Variants in DAB1 observed in about 807,000 individuals in gnomAD.
DAB1 encodes DAB adaptor protein 1.
A neutral mutation model predicts 64.6 loss-of-function variants in DAB1; 15 were observed. The observed-to-expected ratio is 0.23, with a 90% confidence interval of 0.16 to 0.36. The LOEUF is 0.36. Among genes scored for constraint, DAB1 ranks in the 10% least tolerant of loss-of-function variants. DAB1 has a pLI of 1.00. For synonymous variants in DAB1, 235 were observed against 251.9 expected (o/e 0.93, Z 0.64); for missense variants, 596 against 706.7 (o/e 0.84, Z 1.78).
At chr1:57,123,980 ACTT>A (rs1656899335) in intron 4 of DAB1, among the ~76,000 whole-genome samples, 1 of 152,128 alleles carries the variant, frequency 6.6e-6, no homozygotes, top group South Asian at 2.1e-4. Context: ...AATATATAAT[ACTT>A]TTATAAACTG....
intron 3 of DAB1, among the ~76,000 whole-genome samples, chr1:58,438,608 T>C (rs1171152676): frequency 6.6e-6 from 1 of 152,156 alleles, no homozygotes; most frequent in Non-Finnish European, 1.5e-5. Flanking sequence ...GCTCACTTAC[T>C]CCTGTGACCT....
chr1:57,853,838 G>A (rs918132852), intron 1 of DAB1, among the ~76,000 whole-genome samples: 1 of 152,182 alleles, frequency 6.6e-6, no homozygotes, highest in Admixed American at 6.5e-5. Flanking sequence ...GAGGTGAGAA[G>A]GTTCTGGTTG....
chr1:58,350,343 A>T (rs1644041773), intron 3 of DAB1, among the ~76,000 whole-genome samples: 1 of 152,074 alleles, frequency 6.6e-6, no homozygotes, highest in Non-Finnish European at 1.5e-5. Context: ...TTCCTTGTAG[A>T]TTCTGGATAT....
At chr1:57,955,012 A>G (rs1645359504) in intron 5 of DAB1, among the ~76,000 whole-genome samples, 2 of 152,182 alleles carry the variant, frequency 1.3e-5, no homozygotes, top group African/African-American at 4.8e-5. Flanking sequence ...CCTTCTCCTA[A>G]AGAGGCATAG....
intron 2 of DAB1, among the ~76,000 whole-genome samples, chr1:57,176,132 A>C (rs1354054291): frequency 6.6e-6 from 1 of 152,184 alleles, no homozygotes; most frequent in Non-Finnish European, 1.5e-5. Flanking sequence ...GGGTATTCTC[A>C]GCTTCCCTCA....
At chr1:58,097,789 G>T (rs1651076724) in intron 5 of DAB1, among the ~76,000 whole-genome samples, 1 of 152,090 alleles carries the variant, frequency 6.6e-6, no homozygotes, top group Non-Finnish European at 1.5e-5. Flanking sequence ...TGGTGGGAGG[G>T]GGACAGGCTG....
At chr1:57,385,032 A>G (rs1231549926) in intron 1 of DAB1, among the ~76,000 whole-genome samples, 1 of 152,228 alleles carries the variant, frequency 6.6e-6, no homozygotes, top group Admixed American at 6.5e-5. Context: ...AATAGGTTAT[A>G]CAGAAACACA....
intron 7 of DAB1, among the ~76,000 whole-genome samples, chr1:57,625,152 C>A (rs572827578): frequency 6.6e-6 from 1 of 152,128 alleles, no homozygotes; most frequent in Non-Finnish European, 1.5e-5. Flanking sequence ...CCTTTTCTCC[C>A]TACTTCCCTC....
rs529344307 is a variant in DAB1, at chr1:57,433,171, A to G, written n.626-142005T>C. 9.8e-5 allele frequency among the ~76,000 whole-genome samples: 15 copies of G among 152,292 alleles called. No homozygotes were observed. The South Asian group carries it at 2.9e-3, about 29-fold the overall frequency. On this transcript the variant is annotated intron_variant and non_coding_transcript_variant, in intron 7 of 20. Transcript: ENST00000485760. ...AGTATACATTCAGCACAATCCCAAT[A>G]AAATTCCTAGCACACTTTTTGAAAA...
At chr1:58,373,277 T>C (rs1644286534) in intron 3 of DAB1, among the ~76,000 whole-genome samples, 1 of 144,940 alleles carries the variant, frequency 6.9e-6, no homozygotes, top group Non-Finnish European at 1.5e-5. Context: ...ACCCACTAAC[T>C]CGTCATCTAG....
chr1:57,766,694 T>C (rs1649327344), intron 6 of DAB1, among the ~76,000 whole-genome samples: 1 of 144,094 alleles, frequency 6.9e-6, no homozygotes, highest in African/African-American at 2.5e-5. Flanking sequence ...ACAATTTAGT[T>C]TGACTCTGAC....
chr1:57,888,258 C>G (rs1284723579), upstream of DAB1, among the ~76,000 whole-genome samples: 1 of 152,170 alleles, frequency 6.6e-6, no homozygotes, highest in Non-Finnish European at 1.5e-5. Flanking sequence ...GATAAAAATG[C>G]ACATTCACAA....
At chr1:57,364,857 A>C (rs193014737) in intron 1 of DAB1, among the ~76,000 whole-genome samples, 2 of 146,004 alleles carry the variant, frequency 1.4e-5, no homozygotes, top group Non-Finnish European at 3.0e-5. Flanking sequence ...ATATATATGT[A>C]TATATATATA....
intron 5 of DAB1, among the ~76,000 whole-genome samples, chr1:58,115,891 T>C (rs1652295990): frequency 7.7e-6 from 1 of 130,420 alleles, no homozygotes; most frequent in Non-Finnish European, 1.6e-5. Flanking sequence ...TAATGCTAGA[T>C]GACACATTAG....
rs201825952 is a variant in DAB1 at position 58,527,363 on chromosome 1, T to C, written n.33-28A>G. On this transcript the variant is annotated intron_variant and non_coding_transcript_variant, in intron 1 of 20. Transcript: ENST00000485760. ...AAGAAGAAATGACAGAAAAGCTCCA[T>C]TAAGACAATTTATTTCACGAAAAAA... 1.2e-4 allele frequency: 103 copies of C among 863,836 alleles called. No homozygotes were observed. In the African/African-American group the frequency reaches 1.6e-3, roughly 13 times the overall value. 53.5% of individuals were successfully genotyped at this position (863,836 alleles called of 1,614,324 possible). A position where few individuals can be genotyped will look rare whatever the true frequency, so the allele number is the denominator to read the frequency against.
chr1:58,056,375 T>C (rs367976620), intron 5 of DAB1: 573 of 1,587,002 alleles, frequency 3.6e-4, no homozygotes, highest in Non-Finnish European at 4.7e-4. Context: ...AATGTCTTAA[T>C]GGCCTTGTCC....
At chr1:57,273,319 C>T (rs1671161641) in intron 2 of DAB1, among the ~76,000 whole-genome samples, 1 of 152,146 alleles carries the variant, frequency 6.6e-6, no homozygotes, top group African/African-American at 2.4e-5. Flanking sequence ...ATTCAGACAC[C>T]CTTCTTCATG....
At chr1:57,629,803 G>A (rs577879763) in intron 7 of DAB1, among the ~76,000 whole-genome samples, 35 of 149,532 alleles carry the variant, frequency 2.3e-4, no homozygotes, top group African/African-American at 7.3e-4. Context: ...CTAGACCCAC[G>A]GAGCAAAGAG....
At chr1:58,307,539 A>G (rs1487296183) in intron 4 of DAB1, among the ~76,000 whole-genome samples, 3 of 152,146 alleles carry the variant, frequency 2.0e-5, no homozygotes, top group East Asian at 1.9e-4. Flanking sequence ...CATGCAACCA[A>G]TATTCCCTGA....
Sources: allele counts gnomAD v4.1 joint callset (sites outside exome capture counted in the v4.1 genomes callset), GRCh38; gene constraint gnomAD v4.1.1; transcripts MANE v1.5; gene names NCBI Gene and HGNC (gene_info 2026-07-23, HGNC 2026-07-21).